Variants in ZNF423 observed in about 807,000 individuals in gnomAD.
ZNF423 encodes zinc finger protein 423.
In ZNF423, 12 loss-of-function variants were observed where a neutral mutation model predicts 95.8. That is an observed-to-expected ratio of 0.13 (90% confidence interval 0.08 to 0.20). The LOEUF (loss-of-function observed/expected upper bound fraction) is 0.20. Ranked by LOEUF, ZNF423 falls within the 10% of genes least tolerant of loss-of-function variation. The probability of loss-of-function intolerance (pLI) is 1.00; values close to 1 mark genes in which losing one functional copy is unlikely to be tolerated. For missense variants in ZNF423, 1,316 were observed against 1,737.1 expected, an observed-to-expected ratio of 0.76 and a Z score of 4.31; for synonymous variants, 749 against 711.9, an observed-to-expected ratio of 1.05 and a Z score of -0.83.
intron 2 of ZNF423, among the ~76,000 whole-genome samples, chr16:49,732,964 G>T (rs777130605): frequency 9.9e-5 from 15 of 152,196 alleles, no homozygotes; most frequent in Non-Finnish European, 1.9e-4. Flanking sequence ...CCAATTAAGG[G>T]ATGTACAGTT....
At chr16:49,728,272 G>C (rs931998163) in intron 3 of ZNF423, among the ~76,000 whole-genome samples, 1 of 152,196 alleles carries the variant, frequency 6.6e-6, no homozygotes, top group African/African-American at 2.4e-5. Context: ...AGACCTGGGG[G>C]AAAGTAACTC....
intron 7 of ZNF423, chr16:49,518,096 T>G: frequency 2.2e-6 from 1 of 444,576 alleles, no homozygotes; most frequent in East Asian, 7.0e-5. Context: ...AATGGAAAAG[T>G]TCATTGCAAG....
At chr16:49,721,227 C>T (rs1342437410) in intron 3 of ZNF423, among the ~76,000 whole-genome samples, 1 of 152,170 alleles carries the variant, frequency 6.6e-6, no homozygotes, top group Non-Finnish European at 1.5e-5. Context: ...ATGCAGATAG[C>T]ACATTAACTG....
intron 7 of ZNF423, among the ~76,000 whole-genome samples, chr16:49,510,958 T>C (rs1309818216): frequency 3.4e-4 from 52 of 152,170 alleles, no homozygotes; most frequent in Admixed American, 3.4e-3. Context: ...CCCTAGGGCA[T>C]GAATGACAGG....
chr16:49,699,437 C>T (rs539758778), intron 3 of ZNF423, among the ~76,000 whole-genome samples: 1 of 152,338 alleles, frequency 6.6e-6, no homozygotes, highest in African/African-American at 2.4e-5. Context: ...AGCTTTCTGG[C>T]CTCGCCTCCC....
chr16:49,824,851 A>G (rs1458834912), intron 1 of ZNF423, among the ~76,000 whole-genome samples: 1 of 152,142 alleles, frequency 6.6e-6, no homozygotes, highest in Non-Finnish European at 1.5e-5. Context: ...GGCCCTGAGA[A>G]TCCAATGGGC....
At chr16:49,679,321 C>T (rs2151935584) in intron 3 of ZNF423, among the ~76,000 whole-genome samples, 1 of 152,328 alleles carries the variant, frequency 6.6e-6, no homozygotes, top group Admixed American at 6.5e-5. Flanking sequence ...TGCCCCCTTC[C>T]AAGTTGGCAG....
intron 1 of ZNF423, among the ~76,000 whole-genome samples, chr16:49,829,202 T>C (rs116613042): frequency 6.6e-6 from 1 of 152,332 alleles, no homozygotes; most frequent in African/African-American, 2.4e-5. Flanking sequence ...CACCTCTGTG[T>C]TGTGTAGAAT....
At chr16:49,827,778 G>C (rs1489780242) in intron 1 of ZNF423, among the ~76,000 whole-genome samples, 1 of 152,060 alleles carries the variant, frequency 6.6e-6, no homozygotes. Flanking sequence ...TCGGCCTCCG[G>C]AAAAATTGTT....
At chr16:49,502,565 C>T (rs1409624143) in intron 7 of ZNF423, among the ~76,000 whole-genome samples, 1 of 151,970 alleles carries the variant, frequency 6.6e-6, no homozygotes, top group Non-Finnish European at 1.5e-5. Context: ...TGCCACATGA[C>T]CGCATTCAAA....
chr16:49,663,074 C>T (rs1194529712), intron 3 of ZNF423, among the ~76,000 whole-genome samples: 1 of 152,128 alleles, frequency 6.6e-6, no homozygotes, highest in Admixed American at 6.5e-5. Context: ...CAGAGGAGGC[C>T]CCCAGAGTCC....
At position 49,726,856 on chromosome 16, in the gene ZNF423, C is replaced by CAAAAAAAA. The variant is rs368675702; in HGVS notation, c.301+3907_301+3914dup. Among the ~76,000 whole-genome samples the CAAAAAAAA allele has an allele frequency of 9.8e-4, 93 of 94,748 alleles. 5 individuals are homozygous for CAAAAAAAA. The highest frequency in any genetic ancestry group is 1.3e-3 in the South Asian group (3 of 2,318). The allele number at this position is 94,748 out of a possible 152,430, so 62.2% of individuals were successfully genotyped here. A position where few individuals can be genotyped will look rare whatever the true frequency, so the allele number is the denominator to read the frequency against. On this transcript the variant is annotated intron_variant, in intron 3 of 7. Transcript: ENST00000563137. ...ATTTAAAAGACAGAGTTCCCCCTAG[C>CAAAAAAAA]AAAAAAAAAAAAAAAAAAAAAAAAA...
intron 5 of ZNF423, among the ~76,000 whole-genome samples, chr16:49,550,980 T>C (rs946785201): frequency 1.3e-5 from 2 of 152,168 alleles, no homozygotes; most frequent in African/African-American, 4.8e-5. Context: ...GCTGGACCGA[T>C]GAAGAGACAG....
chr16:49,669,716 C>T (rs1031072607), intron 3 of ZNF423, among the ~76,000 whole-genome samples: 2 of 151,932 alleles, frequency 1.3e-5, no homozygotes, highest in African/African-American at 2.4e-5. Flanking sequence ...CCCCTGCACC[C>T]CCTCACCATC....
rs1966915536 is a variant in ZNF423 at position 49,490,522 on chromosome 16, A to ACGC, written c.*752_*753insGCG. 3 of 152,504 alleles carry ACGC rather than the reference A, an allele frequency of 2.0e-5. No individual in the cohort carries two copies. Among genetic ancestry groups the ACGC allele is most frequent in the Admixed American group, 1.3e-4 (2 of 15,292 alleles). 9.4% of individuals were successfully genotyped at this position (152,504 alleles called of 1,614,324 possible). A position where few individuals can be genotyped will look rare whatever the true frequency, so the allele number is the denominator to read the frequency against. ...CAAGGGCGTGTGCAAGCCCACAGGAACTTGTAGGGGAACACACCTTACAGG... is the reference window on the plus strand; with the variant it reads ...CAAGGGCGTGTGCAAGCCCACAGGAACGCCTTGTAGGGGAACACACCTTACAGG... On this transcript the variant is annotated 3_prime_UTR_variant, in exon 8 of 8. Coordinates refer to ENST00000563137, the MANE Select transcript of ZNF423 (RefSeq NM_001379286.1).
At chr16:49,664,519 G>A (rs1305788758) in intron 3 of ZNF423, among the ~76,000 whole-genome samples, 1 of 152,220 alleles carries the variant, frequency 6.6e-6, no homozygotes, top group East Asian at 1.9e-4. Flanking sequence ...CAGAGATGGA[G>A]GAGGGCCTGG....
chr16:49,713,681 T>A (rs1313434622), intron 3 of ZNF423, among the ~76,000 whole-genome samples: 1 of 152,250 alleles, frequency 6.6e-6, no homozygotes, highest in Admixed American at 6.5e-5. Flanking sequence ...ATCTGTTTTC[T>A]GTTGGGACCC....
chr16:49,557,281 A>G (rs997347226), intron 5 of ZNF423, among the ~76,000 whole-genome samples: 3 of 152,310 alleles, frequency 2.0e-5, no homozygotes, highest in Middle Eastern at 6.8e-3. Flanking sequence ...TCCCTTCTGC[A>G]TACAAATGAG....
intron 1 of ZNF423, among the ~76,000 whole-genome samples, chr16:49,793,552 C>T (rs992462330): frequency 4.6e-5 from 7 of 152,264 alleles, no homozygotes; most frequent in Admixed American, 1.3e-4. Context: ...ACACCCCACC[C>T]TACCCCACTT....
Sources: allele counts gnomAD v4.1 joint callset (sites outside exome capture counted in the v4.1 genomes callset), GRCh38; gene constraint gnomAD v4.1.1; transcripts MANE v1.5; gene names NCBI Gene and HGNC (gene_info 2026-07-23, HGNC 2026-07-21).